Variants in ADAM7 observed in about 807,000 individuals in gnomAD.
The protein encoded by ADAM7 is ADAM metallopeptidase domain 7.
Under a neutral mutation model 102.9 loss-of-function variants are expected in ADAM7, and 97 were observed. The ratio of observed to expected loss-of-function variants is 0.94; its 90% CI spans 0.80 to 1.12. The LOEUF (loss-of-function observed/expected upper bound fraction) is 1.12, where lower values mean the gene tolerates loss of function less well. Ranked by LOEUF, ADAM7 falls within the 50% of genes most tolerant of loss-of-function variation. The pLI, the probability that ADAM7 is intolerant of heterozygous loss-of-function variation, is 0.00. For missense variants in ADAM7, 991 were observed against 908.7 expected (o/e 1.09, Z -1.16); for synonymous variants, 334 against 304.4 (o/e 1.10, Z -1.01).
intron 3 of ADAM7, among the ~76,000 whole-genome samples, chr8:24,461,058 C>T (rs767212541): frequency 1.2e-4 from 19 of 152,072 alleles, no homozygotes; most frequent in Middle Eastern, 3.4e-3. Flanking sequence ...ATTCTGGGTT[C>T]GCCAATTTTC....
At chr8:24,497,986 T>C (rs1394801589) in intron 16 of ADAM7, among the ~76,000 whole-genome samples, 1 of 152,000 alleles carries the variant, frequency 6.6e-6, no homozygotes, top group African/African-American at 2.4e-5. Context: ...AGCAATGCAA[T>C]GATACTCTCA....
Position 24,509,256 on chromosome 8 carries a change from A to G in ADAM7, c.*710A>G. On this transcript the variant is annotated 3_prime_UTR_variant, in exon 22 of 22. Coordinates refer to ENST00000175238, the MANE Select transcript of ADAM7 (RefSeq NM_003817.4). ...AAATTTACTCCAAGTGAGAGGACAT[A>G]CTCACAACTCCTATGAAGGGTTTCT... The G allele has an allele frequency of 1.0e-6, 1 of 985,436 alleles. No individual in the cohort carries two copies. Among genetic ancestry groups the G allele is most frequent in the Non-Finnish European group, 1.2e-6 (1 of 829,972 alleles). 61.0% of individuals were successfully genotyped at this position (985,436 alleles called of 1,614,324 possible). A position where few individuals can be genotyped will look rare whatever the true frequency, so the allele number is the denominator to read the frequency against.
intron 4 of ADAM7, among the ~76,000 whole-genome samples, chr8:24,465,076 T>A (rs1200136721): frequency 2.6e-5 from 4 of 152,214 alleles, no homozygotes; most frequent in Non-Finnish European, 5.9e-5. Context: ...TAATCTACCA[T>A]GCCCAGCAGC....
intron 3 of ADAM7, among the ~76,000 whole-genome samples, chr8:24,450,618 T>A (rs1172223583): frequency 3.3e-5 from 5 of 152,078 alleles, no homozygotes; most frequent in Non-Finnish European, 5.9e-5. Context: ...TGACTTCCTC[T>A]TTCCTAATTG....
chr8:24,499,669 T>C (rs1287184461), intron 17 of ADAM7, among the ~76,000 whole-genome samples: 5 of 152,142 alleles, frequency 3.3e-5, no homozygotes, highest in Non-Finnish European at 7.4e-5. Flanking sequence ...AGTTAAGCTT[T>C]TGAGAAAATC....
At chr8:24,489,844 A>C (rs1012455933) in intron 12 of ADAM7, among the ~76,000 whole-genome samples, 1 of 152,222 alleles carries the variant, frequency 6.6e-6, no homozygotes, top group Admixed American at 6.5e-5. Context: ...GGCAATTTTT[A>C]AAGTAATTCT....
intron 15 of ADAM7, 122 bp downstream of exon 15, chr8:24,492,719 G>C (rs1427589679): frequency 1.5e-6 from 1 of 667,134 alleles, no homozygotes; most frequent in Admixed American, 3.2e-5. Context: ...AGGGAAATAA[G>C]AAGGAAATCT....
intron 20 of ADAM7, among the ~76,000 whole-genome samples, chr8:24,505,640 T>C (rs914294026): frequency 2.6e-5 from 4 of 152,144 alleles, no homozygotes; most frequent in South Asian, 2.1e-4. Flanking sequence ...TGTTTGTTTG[T>C]TTTTTCTCTC....
intron 2 of ADAM7, among the ~76,000 whole-genome samples, chr8:24,443,103 G>T (rs754822379): frequency 6.6e-6 from 1 of 152,148 alleles, no homozygotes; most frequent in Non-Finnish European, 1.5e-5. Context: ...GAGGGAACAG[G>T]CTTGAAAATT....
chr8:24,449,669 C>A (rs1818704590), intron 3 of ADAM7, among the ~76,000 whole-genome samples: 1 of 152,056 alleles, frequency 6.6e-6, no homozygotes, highest in Non-Finnish European at 1.5e-5. Flanking sequence ...TCCCATTTGT[C>A]AATTTTGGCT....
intron 3 of ADAM7, among the ~76,000 whole-genome samples, chr8:24,462,948 G>A (rs568564976): frequency 6.6e-6 from 1 of 152,210 alleles, no homozygotes; most frequent in East Asian, 1.9e-4. Flanking sequence ...TAATCTAAGA[G>A]TAATGTTCAA....
Position 24,448,693 on chromosome 8 carries a change from G to C in ADAM7, c.233+1431G>C, listed in dbSNP as rs540214751. ...TATTATTATTATTATTATACTTTAA[G>C]TTTTAGGGTACATGTGCACAATGTG... On this transcript the variant is annotated intron_variant, in intron 3 of 21. Transcript: ENST00000175238. 2.3e-4 allele frequency among the ~76,000 whole-genome samples: 34 copies of C among 150,374 alleles called. No individual in the cohort carries two copies. The Admixed American group carries it at 2.3e-3, about 10-fold the overall frequency.
chr8:24,462,320 A>AT (rs1819272009), intron 3 of ADAM7, among the ~76,000 whole-genome samples: 1 of 152,010 alleles, frequency 6.6e-6, no homozygotes, highest in African/African-American at 2.4e-5. Context: ...CCGCTCTCTC[A>AT]TTTTTTTCCA....
At chr8:24,446,293 T>A (rs1034689457) in intron 2 of ADAM7, among the ~76,000 whole-genome samples, 1 of 152,194 alleles carries the variant, frequency 6.6e-6, no homozygotes, top group Non-Finnish European at 1.5e-5. Flanking sequence ...AAAATATTGA[T>A]GTGAATGATC....
chr8:24,508,722 G>A lies in ADAM7; in HGVS notation c.*176G>A, dbSNP rs1343685059. The A allele has an allele frequency of 6.3e-6, 9 of 1,425,112 alleles. No individual in the cohort carries two copies. Among genetic ancestry groups the A allele is most frequent in the East Asian group, 2.5e-5 (1 of 39,616 alleles). 88.3% of individuals were successfully genotyped at this position (1,425,112 alleles called of 1,614,324 possible). On this transcript the variant is annotated 3_prime_UTR_variant, in exon 22 of 22. Coordinates refer to ENST00000175238, the MANE Select transcript of ADAM7 (RefSeq NM_003817.4). ...CAACTTATTTCTGTTAATATTTACC[G>A]GTAGAATTCACACCCTCTATCATAA...
chr8:24,502,670 C>T (rs1820802473), intron 20 of ADAM7, among the ~76,000 whole-genome samples: 1 of 152,014 alleles, frequency 6.6e-6, no homozygotes, highest in Non-Finnish European at 1.5e-5. Flanking sequence ...ATAAACATTA[C>T]TAAAGCTTAC....
chr8:24,505,037 A>G (rs1298503388), intron 20 of ADAM7, among the ~76,000 whole-genome samples: 1 of 152,022 alleles, frequency 6.6e-6, no homozygotes, highest in African/African-American at 2.4e-5. Flanking sequence ...ATTCTCATTC[A>G]TTTGTCTTGA....
At chr8:24,504,244 T>C (rs1246257768) in intron 20 of ADAM7, among the ~76,000 whole-genome samples, 2 of 151,814 alleles carry the variant, frequency 1.3e-5, no homozygotes, top group African/African-American at 4.8e-5. Flanking sequence ...TGCACACCTG[T>C]AGTCCCTAGC....
chr8:24,479,247 A>G (rs73547070), intron 8 of ADAM7, among the ~76,000 whole-genome samples: 1,913 of 152,118 alleles, frequency 0.013, 36 homozygotes, highest in African/African-American at 0.042. Flanking sequence ...AGCCCTGTCC[A>G]TGGGTCATTG....
Sources: gnomAD v4.1 joint callset for allele counts (sites outside exome capture counted in the v4.1 genomes callset) on GRCh38, gnomAD v4.1.1 for gene constraint, MANE v1.5 for transcripts, NCBI Gene and HGNC (gene_info 2026-07-23, HGNC 2026-07-21) for gene names.